COL5A2: variants seen among roughly 807,000 people sequenced by gnomAD.
COL5A2 encodes the protein collagen type V alpha 2 chain.
Under a neutral mutation model 208.2 loss-of-function variants are expected in COL5A2, and 23 were observed. The observed-to-expected ratio is 0.11, with a 90% CI of 0.08 to 0.16. The LOEUF (loss-of-function observed/expected upper bound fraction) is 0.16. Ranked by LOEUF, COL5A2 falls within the 10% of genes least tolerant of loss-of-function variation. The probability of loss-of-function intolerance (pLI) is 1.00; values close to 1 mark genes in which losing one functional copy is unlikely to be tolerated. For missense variants in COL5A2, 1,590 were observed against 1,956.4 expected (o/e 0.81, Z 3.53); for synonymous variants, 625 against 628.5 (o/e 0.99, Z 0.08).
rs760422096 is a variant in COL5A2 at position 189,052,252 on chromosome 2, T to C, written c.2716-27A>G. The C allele has an allele frequency of 3.7e-6, 6 of 1,607,856 alleles. No homozygotes were observed. In the Admixed American group the frequency reaches 6.7e-5, roughly 18 times the overall value. On this transcript the variant is annotated intron_variant, in intron 40 of 53. Coordinates refer to ENST00000374866, the MANE Select transcript of COL5A2 (RefSeq NM_000393.5). ...TAGAACCAGAATATCATATAAGCAA[T>C]TTTTAAGGTAATATAAATTAGTTAC...
At chr2:189,034,313 A>G in intron 53 of COL5A2, 97 bp from the exon 54 acceptor site, 1 of 1,326,652 alleles carries the variant, frequency 7.5e-7, no homozygotes, top group Non-Finnish European at 1.1e-6. Context: ...TGTAAAGGCA[A>G]TGATTTTTAG....
chr2:189,363,193 T>C, the COL5A2 span, among the ~76,000 whole-genome samples: 1 of 152,160 alleles, frequency 6.6e-6, no homozygotes, highest in Non-Finnish European at 1.5e-5. Context: ...GGAACTTCAA[T>C]GCTCTCAAAT....
At chr2:189,334,989 T>C in the COL5A2 span, among the ~76,000 whole-genome samples, 2 of 151,996 alleles carry the variant, frequency 1.3e-5, no homozygotes, top group Non-Finnish European at 2.9e-5. Flanking sequence ...TATAACCTAC[T>C]CTAAAAATCA....
chr2:189,114,287 C>G (rs1687343391), intron 1 of COL5A2, among the ~76,000 whole-genome samples: 1 of 152,054 alleles, frequency 6.6e-6, no homozygotes, highest in Non-Finnish European at 1.5e-5. Context: ...AAGACATGTA[C>G]AAAGAAACAG....
intron 30 of COL5A2, 68 bp downstream of exon 30, chr2:189,061,494 T>G: frequency 9.4e-7 from 1 of 1,068,760 alleles, no homozygotes; most frequent in Non-Finnish European, 1.4e-6. Flanking sequence ...TGACCATATC[T>G]TTTTTTTTAA....
intron 42 of COL5A2, 100 bp from the exon 43 acceptor site, chr2:189,050,776 T>C (rs111889204): frequency 7.9e-6 from 8 of 1,011,814 alleles, no homozygotes; most frequent in East Asian, 5.2e-5. Context: ...TTTTTCAGTA[T>C]GAAAAAGAAG....
At chr2:189,426,717 A>C in the COL5A2 span, among the ~76,000 whole-genome samples, 1 of 152,248 alleles carries the variant, frequency 6.6e-6, no homozygotes, top group African/African-American at 2.4e-5. Context: ...TTTAGCAAAG[A>C]ATCTGGCTGT....
the COL5A2 span, among the ~76,000 whole-genome samples, chr2:189,363,472 G>C: frequency 6.6e-6 from 1 of 150,422 alleles, no homozygotes; most frequent in African/African-American, 2.4e-5. Flanking sequence ...TTGCTTTTTC[G>C]CATGCTAAAG....
the COL5A2 span, among the ~76,000 whole-genome samples, chr2:189,389,532 T>C: frequency 6.6e-6 from 1 of 152,210 alleles, no homozygotes; most frequent in African/African-American, 2.4e-5. Flanking sequence ...GACTTTAGAA[T>C]GCCTGAATCC....
intron 47 of COL5A2, among the ~76,000 whole-genome samples, 164 bp downstream of exon 47, chr2:189,045,015 G>T (rs555302125): frequency 1.3e-4 from 19 of 151,590 alleles, no homozygotes; most frequent in Non-Finnish European, 7.4e-5. Flanking sequence ...AAATAAACTC[G>T]TATTACTTTA....
At chr2:189,413,937 G>A in the COL5A2 span, among the ~76,000 whole-genome samples, 6 of 151,648 alleles carry the variant, frequency 4.0e-5, no homozygotes, top group Non-Finnish European at 5.9e-5. Flanking sequence ...GATTACAGGC[G>A]CCCGCCACTG....
chr2:189,197,654 G>A (rs1239706012), intron 1 of COL5A2, among the ~76,000 whole-genome samples: 2 of 151,268 alleles, frequency 1.3e-5, no homozygotes, highest in South Asian at 2.1e-4. Context: ...ACAAATGATC[G>A]TTAAACTAAG....
chr2:189,149,743 T>G (rs1204725790), intron 1 of COL5A2, among the ~76,000 whole-genome samples: 2 of 152,170 alleles, frequency 1.3e-5, no homozygotes, highest in African/African-American at 2.4e-5. Context: ...TTTTCCTAAG[T>G]GTTTAGTGGT....
chr2:189,375,039 T>C, the COL5A2 span, among the ~76,000 whole-genome samples: 1 of 150,974 alleles, frequency 6.6e-6, no homozygotes, highest in African/African-American at 2.4e-5. Flanking sequence ...TTTTTTGAGA[T>C]GGAGTCTCGC....
chr2:189,297,380 A>T, the COL5A2 span, among the ~76,000 whole-genome samples: 3 of 152,146 alleles, frequency 2.0e-5, no homozygotes, highest in African/African-American at 7.2e-5. Flanking sequence ...ATTTTTGTGT[A>T]TGTTTTGTCT....
intron 52 of COL5A2, 147 bp downstream of exon 52, chr2:189,036,469 T>C (rs1685445915): frequency 6.3e-6 from 4 of 637,694 alleles, no homozygotes; most frequent in Non-Finnish European, 7.9e-6. Context: ...GGTATTACAA[T>C]TGTAACTAAT....
intron 45 of COL5A2, 88 bp downstream of exon 45, chr2:189,048,121 T>G (rs1210583213): frequency 3.3e-6 from 4 of 1,204,554 alleles, no homozygotes; most frequent in Non-Finnish European, 4.9e-6. Context: ...ATTGGAACTA[T>G]CAGGAAAAAT....
At chr2:189,340,758 G>C in the COL5A2 span, among the ~76,000 whole-genome samples, 4 of 152,252 alleles carry the variant, frequency 2.6e-5, no homozygotes, top group South Asian at 4.2e-4. Context: ...TTCTGAAGTT[G>C]AGGTTTTGAC....
At chr2:189,237,292 T>C in the COL5A2 span, among the ~76,000 whole-genome samples, 1 of 151,676 alleles carries the variant, frequency 6.6e-6, no homozygotes, top group Non-Finnish European at 1.5e-5. Context: ...ATGCCACCCT[T>C]CCCATTTTAT....
Sources: allele counts gnomAD v4.1 joint callset (sites outside exome capture counted in the v4.1 genomes callset), GRCh38; gene constraint gnomAD v4.1.1; transcripts MANE v1.5; gene names NCBI Gene and HGNC (gene_info 2026-07-23, HGNC 2026-07-21).